The following PROX1 variants were observed in gnomAD, a reference collection of about 807,000 sequenced individuals.
PROX1 encodes prospero homeobox 1, also known as prospero homeobox protein 1.
A neutral mutation model predicts 58.8 loss-of-function variants in PROX1; 7 were observed. The ratio of observed to expected loss-of-function variants is 0.12; its 90% CI spans 0.07 to 0.22. The LOEUF is 0.22. PROX1 is among the 10% of genes least tolerant of loss of function. The pLI is 1.00. For synonymous variants in PROX1, 350 were observed against 358.3 expected (o/e 0.98, Z 0.26); for missense variants, 675 against 927.8 (o/e 0.73, Z 3.54).
At chr1:213,983,827 T>G (rs998950150), upstream of PROX1, 1 of 152,250 alleles carries the variant, frequency 6.6e-6, no homozygotes, top group Non-Finnish European at 1.5e-5. Context: ...TTGTTTGGTT[T>G]TTTTAAATCA....
chr1:214,036,418 A>T lies in PROX1; in HGVS notation c.*584A>T, dbSNP rs906546532. 1 of 152,202 alleles carries T rather than the reference A, an allele frequency of 6.6e-6. No homozygotes were observed. Among genetic ancestry groups the T allele is most frequent in the African/African-American group, 2.4e-5 (1 of 41,454 alleles). The allele number at this position is 152,202 out of a possible 1,614,324, so 9.4% of individuals were successfully genotyped here. The stretch of plus-strand genomic sequence containing the variant: ...CCAAAGTACCCCAAAAGGCCAAATT[A>T]AAAAAGAAAAATAATCACTCTCAAG... On this transcript the variant is annotated 3_prime_UTR_variant, in exon 5 of 5. Coordinates refer to ENST00000366958, the MANE Select transcript of PROX1 (RefSeq NM_001270616.2).
intron 3 of PROX1, among the ~76,000 whole-genome samples, chr1:214,009,515 C>T (rs942580901): frequency 6.6e-6 from 1 of 152,162 alleles, no homozygotes; most frequent in African/African-American, 2.4e-5. Flanking sequence ...TTTTAGTTCA[C>T]TTCTCCTGGA....
Position 214,035,943 on chromosome 1 carries a change from G to A in PROX1, c.*109G>A. ...CATATATATGTGTATGGGAGGCATG[G>A]ATATGTTATGAAATCAGCTGGTAAT... On this transcript the variant is annotated 3_prime_UTR_variant, in exon 5 of 5. Transcript: ENST00000366958. 1 of 908,838 alleles carries A rather than the reference G, an allele frequency of 1.1e-6. No homozygotes were observed. The highest frequency in any genetic ancestry group is 2.5e-4 in the Middle Eastern group (1 of 4,000). 56.3% of individuals were successfully genotyped at this position (908,838 alleles called of 1,614,324 possible).
At chr1:214,008,430 A>G (rs540970934) in intron 3 of PROX1, among the ~76,000 whole-genome samples, 1 of 152,188 alleles carries the variant, frequency 6.6e-6, no homozygotes, top group African/African-American at 2.4e-5. Context: ...CAACAACAAA[A>G]AAAACCAGGA....
intron 1 of PROX1, among the ~76,000 whole-genome samples, chr1:213,990,902 A>G (rs1270278088): frequency 6.6e-6 from 1 of 152,202 alleles, no homozygotes; most frequent in Non-Finnish European, 1.5e-5. Context: ...TGAGCCTGTC[A>G]TTGTCCCAGA....
chr1:213,992,204 GAATCTTAAATGA>G (rs143028850), intron 1 of PROX1, among the ~76,000 whole-genome samples: 1 of 152,270 alleles, frequency 6.6e-6, no homozygotes, highest in East Asian at 1.9e-4. Flanking sequence ...TGGGATGGGA[GAATCTTAAATGA>G]AATCTTAAAT....
At chr1:214,014,803 CT>C (rs1373374743) in intron 4 of PROX1, among the ~76,000 whole-genome samples, 5 of 152,176 alleles carry the variant, frequency 3.3e-5, no homozygotes, top group African/African-American at 1.2e-4. Flanking sequence ...TTCTCTCAGC[CT>C]TCTACTCCCA....
In PROX1 at chr1:214,023,090, G is replaced by A. The variant is rs923727933; in HGVS notation, c.2028+11375G>A. On this transcript the variant is annotated intron_variant, in intron 4 of 4. Coordinates refer to ENST00000366958, the MANE Select transcript of PROX1 (RefSeq NM_001270616.2). The stretch of plus-strand genomic sequence containing the variant: ...GCAATTCCCTTACTGGGATTATAGA[G>A]ACTAATTTTTCAAATTCATACACAA... 2.6e-5 allele frequency among the ~76,000 whole-genome samples: 4 copies of A among 152,148 alleles called. No homozygotes were observed. In the East Asian group the frequency reaches 5.8e-4, roughly 22 times the overall value.
upstream of PROX1, among the ~76,000 whole-genome samples, chr1:213,983,637 G>T (rs999987106): frequency 6.6e-6 from 1 of 152,226 alleles, no homozygotes; most frequent in Non-Finnish European, 1.5e-5. Context: ...TGGTGGGCAA[G>T]AGTGTTGTAA....
At position 213,996,906 on chromosome 1, in the gene PROX1, A is replaced by G. The variant is rs147839309; in HGVS notation, c.371A>G (p.His124Arg). Reference sequence around the variant, plus strand: ...CTCTCTAGTACAGGCTCCGAAGTACATCAGGAGGATATATGCAGCAACTCT... The same window carrying G: ...CTCTCTAGTACAGGCTCCGAAGTACGTCAGGAGGATATATGCAGCAACTCT... ...SGLSSTGSEV[H>R]QEDICSNSSR... is the part of the protein sequence containing the mutation. The change falls in exon 2 of 5, where the codon CAT becomes CGT. Residue 124 changes from histidine (H) to arginine (R), a missense_variant. By Grantham distance (29) the His-to-Arg change is conservative. Coordinates refer to ENST00000366958, the MANE Select transcript of PROX1 (RefSeq NM_001270616.2). The G allele has an allele frequency of 6.2e-7, 1 of 1,614,038 alleles. No homozygotes were observed. The highest frequency in any genetic ancestry group is 8.5e-7 in the Non-Finnish European group (1 of 1,180,038).
At chr1:214,033,236 G>C (rs1664720253) in intron 4 of PROX1, among the ~76,000 whole-genome samples, 1 of 152,202 alleles carries the variant, frequency 6.6e-6, no homozygotes, top group African/African-American at 2.4e-5. Context: ...AAGGAACATA[G>C]AATTTCACTG....
chr1:214,010,626 T>C (rs1663876270), intron 3 of PROX1, among the ~76,000 whole-genome samples: 1 of 152,184 alleles, frequency 6.6e-6, no homozygotes, highest in African/African-American at 2.4e-5. Flanking sequence ...GTCCTTTACG[T>C]GAGCAGAGGA....
At chr1:214,035,606 A>T in intron 4 of PROX1, 43 bp from the exon 5 acceptor site, 1 of 1,565,104 alleles carries the variant, frequency 6.4e-7, no homozygotes, top group Non-Finnish European at 8.7e-7. Flanking sequence ...GTAGACTTGA[A>T]ACTGAAAACT....
At position 214,037,102 on chromosome 1, in the gene PROX1, A is replaced by AAGCT. The variant is rs1447293218; in HGVS notation, c.*1273_*1276dup. The AAGCT allele has an allele frequency of 6.6e-6, 1 of 152,202 alleles. No homozygotes were observed. The highest frequency in any genetic ancestry group is 1.5e-5 in the Non-Finnish European group (1 of 68,048). 9.4% of individuals were successfully genotyped at this position (152,202 alleles called of 1,614,324 possible). A position where few individuals can be genotyped will look rare whatever the true frequency, so the allele number is the denominator to read the frequency against. On this transcript the variant is annotated 3_prime_UTR_variant, in exon 5 of 5. Transcript: ENST00000366958. ...AGACACAATTCCAGCACACATAAGA[A>AAGCT]AGCTAGCTGCTATTTTATGCTTTCT...
At chr1:213,986,669 C>G (rs1021612137), upstream of PROX1, among the ~76,000 whole-genome samples, 1 of 152,184 alleles carries the variant, frequency 6.6e-6, no homozygotes, top group Non-Finnish European at 1.5e-5. Flanking sequence ...CTCCTACTTA[C>G]AAAAATGAGT....
Position 214,035,846 on chromosome 1 carries a change from A to T in PROX1, c.*12A>T. 6.3e-7 allele frequency: 1 copy of T among 1,599,586 alleles called. No individual in the cohort carries two copies. Among genetic ancestry groups the T allele is most frequent in the Non-Finnish European group, 8.5e-7 (1 of 1,172,544 alleles). On this transcript the variant is annotated 3_prime_UTR_variant, in exon 5 of 5. Coordinates refer to ENST00000366958, the MANE Select transcript of PROX1 (RefSeq NM_001270616.2). ...TGCTTCATGAGTAGAAATTTCAACA[A>T]CTCTTTTTGAATGTATGAAGAGTAG...
intron 4 of PROX1, among the ~76,000 whole-genome samples, chr1:214,016,647 T>C (rs1443197715): frequency 6.6e-6 from 1 of 152,214 alleles, no homozygotes; most frequent in Non-Finnish European, 1.5e-5. Flanking sequence ...TCTAAATATA[T>C]GTACACACAT....
In PROX1 at chr1:214,039,593, T is replaced by A. The variant is rs1664939199; in HGVS notation, c.*3759T>A. On this transcript the variant is annotated 3_prime_UTR_variant, in exon 5 of 5. Coordinates refer to ENST00000366958, the MANE Select transcript of PROX1 (RefSeq NM_001270616.2). Reference sequence around the variant, plus strand: ...CTACATTCTCACGACATCTGTTGAATTTACTAGGAACACTACAGTGACTGT... The same window carrying A: ...CTACATTCTCACGACATCTGTTGAAATTACTAGGAACACTACAGTGACTGT... 6.6e-6 allele frequency: 1 copy of A among 152,230 alleles called. No homozygotes were observed. Among genetic ancestry groups the A allele is most frequent in the Non-Finnish European group, 1.5e-5 (1 of 68,034 alleles). The allele number at this position is 152,230 out of a possible 1,614,324, so 9.4% of individuals were successfully genotyped here. A position where few individuals can be genotyped will look rare whatever the true frequency, so the allele number is the denominator to read the frequency against.
intron 2 of PROX1, among the ~76,000 whole-genome samples, chr1:214,000,569 C>T (rs1452907754): frequency 6.6e-6 from 1 of 152,158 alleles, no homozygotes; most frequent in African/African-American, 2.4e-5. Flanking sequence ...GTCGGCCTCT[C>T]GTGGCAATTA....
Sources: allele counts gnomAD v4.1 joint callset (sites outside exome capture counted in the v4.1 genomes callset), GRCh38; gene constraint gnomAD v4.1.1; transcripts MANE v1.5; gene names NCBI Gene and HGNC (gene_info 2026-07-23, HGNC 2026-07-21).